Variants in LARGE2 observed in about 807,000 individuals in gnomAD.
The protein encoded by LARGE2 is xylosyl- and glucuronyltransferase LARGE2.
Under a neutral mutation model 75.3 loss-of-function variants are expected in LARGE2, and 63 were observed. The ratio of observed to expected loss-of-function variants is 0.84; its 90% CI spans 0.68 to 1.03. LARGE2 has a LOEUF of 1.03. Ranked by LOEUF, LARGE2 falls within the 50% of genes least tolerant of loss-of-function variation. The pLI, the probability that LARGE2 is intolerant of heterozygous loss-of-function variation, is 0.00. For missense variants in LARGE2, 925 were observed against 980.6 expected, an observed-to-expected ratio of 0.94 and a Z score of 0.76; for synonymous variants, 428 against 420.1, an observed-to-expected ratio of 1.02 and a Z score of -0.23.
intron 12 of LARGE2, 48 bp downstream of exon 12, chr11:45,928,117 G>A (rs752635497): frequency 5.0e-6 from 8 of 1,612,656 alleles, no homozygotes; most frequent in Non-Finnish European, 5.9e-6. Flanking sequence ...GCCCACACTG[G>A]CCCCCACTAC....
rs1321960834 is a variant in LARGE2, at chr11:45,928,821, G to T, written c.2142G>T (p.Gln714His). 7.4e-6 allele frequency: 12 copies of T among 1,613,328 alleles called. No homozygotes were observed. The highest frequency in any genetic ancestry group is 1.0e-5 in the Non-Finnish European group (12 of 1,179,924). ...TCAAATACCTCCCAGCCCTGCAGCA[G>T]CCCCAGAGCCCTGCCCGAGGCTGAG... ...AALKYLPALQ[Q>H]PQSPARG Residue 714 changes from glutamine (Q) to histidine (H), a missense_variant, in exon 14 of 14, where the codon CAG becomes CAT. Physicochemically the swap from Gln to His is conservative, Grantham distance 24. This residue lies in a region of LARGE2 where 469 missense variants were observed against 503.8 expected (regional missense o/e 0.93). Coordinates refer to ENST00000401752, the MANE Select transcript of LARGE2 (RefSeq NM_001300721.2).
At chr11:45,923,281 G>C in intron 2 of LARGE2, 114 bp downstream of exon 2, 33 of 1,233,146 alleles carry the variant, frequency 2.7e-5, no homozygotes, top group Non-Finnish European at 3.6e-5. Flanking sequence ...CTGGCCAGCC[G>C]GCTGGGGCGC....
At position 45,923,573 on chromosome 11, in the gene LARGE2, T is replaced by C. The variant is rs775724107; in HGVS notation, c.368+18T>C. 1.2e-6 allele frequency: 2 copies of C among 1,610,708 alleles called. No individual in the cohort carries two copies. Among genetic ancestry groups the C allele is most frequent in the East Asian group, 2.2e-5 (1 of 44,844 alleles). ...TTCTACAGGTACAGCCAGGTGTCCG[T>C]GGAGGAGGGTCAGGAGTGGGGAAGG... On this transcript the variant is annotated intron_variant, in intron 3 of 13. Coordinates refer to ENST00000401752, the MANE Select transcript of LARGE2 (RefSeq NM_001300721.2).
At chr11:45,928,461 C>G in intron 13 of LARGE2, 89 bp downstream of exon 13, 1 of 1,533,078 alleles carries the variant, frequency 6.5e-7, no homozygotes, top group South Asian at 1.2e-5. Flanking sequence ...GACCACACCA[C>G]TAGGCAACAC....
chr11:45,924,359 G>A, intron 4 of LARGE2, 82 bp downstream of exon 4: 3 of 1,582,296 alleles, frequency 1.9e-6, no homozygotes, highest in South Asian at 2.3e-5. Flanking sequence ...TTGGAGAAGA[G>A]AATCATCAGT....
chr11:45,923,101 G>T lies in LARGE2; in HGVS notation c.219G>T (p.Gly73=), dbSNP rs1324002799. 1 of 1,399,140 alleles carries T rather than the reference G, an allele frequency of 7.1e-7. No individual in the cohort carries two copies. Among genetic ancestry groups the T allele is most frequent in the South Asian group, 1.5e-5 (1 of 64,594 alleles). The allele number at this position is 1,399,140 out of a possible 1,614,324, so 86.7% of individuals were successfully genotyped here. The stretch of plus-strand genomic sequence containing the variant: ...CCGCCGCCCTCGACGGAGACCCGGG[G>T]GCCGGCCCCGGGGACCACAACCGCT... The part of the protein sequence containing the change: ...RRAAALDGDP[G]AGPGDHNRSD... The change falls in exon 2 of 14, where the codon GGG becomes GGT. Residue 73 remains glycine (G), a synonymous_variant. Coordinates refer to ENST00000401752, the MANE Select transcript of LARGE2 (RefSeq NM_001300721.2).
Position 45,927,902 on chromosome 11 carries a change from A to C in LARGE2, c.1605-18A>C. The C allele has an allele frequency of 1.2e-6, 2 of 1,611,946 alleles. No homozygotes were observed. The highest frequency in any genetic ancestry group is 3.3e-5 in the Admixed American group (2 of 59,934). On this transcript the variant is annotated intron_variant, in intron 11 of 13. Transcript: ENST00000401752. ...GATGCCCCGCTCTTCTCCCCTGCTCATGGGTGCTCCTCCTCAGGGCCTCCA... is the reference window on the plus strand; with the variant it reads ...GATGCCCCGCTCTTCTCCCCTGCTCCTGGGTGCTCCTCCTCAGGGCCTCCA...
chr11:45,927,832 A>G (rs763196775), intron 11 of LARGE2, 88 bp from the exon 12 acceptor site: 2 of 1,585,166 alleles, frequency 1.3e-6, no homozygotes, highest in South Asian at 2.2e-5. Context: ...ATGGTGGTCT[A>G]GTCCTGTGGC....
chr11:45,926,761 C>G lies in LARGE2; in HGVS notation c.1215C>G (p.Phe405Leu), dbSNP rs767674272. ...ACGAGGAAGACCCCTGCTTTGAGTT[C>G]CGGCAGCAGCAGCTCACTGTGCACC... ...QLDEEDPCFE[F>L]RQQQLTVHRV... Residue 405 changes from phenylalanine (F) to leucine (L), a missense_variant, in exon 10 of 14, where the codon TTC becomes TTG. Physicochemically the swap from Phe to Leu is conservative, Grantham distance 22. This residue lies in a region of LARGE2 where 469 missense variants were observed against 503.8 expected (regional missense o/e 0.93). Coordinates refer to ENST00000401752, the MANE Select transcript of LARGE2 (RefSeq NM_001300721.2). 6.8e-6 allele frequency: 11 copies of G among 1,613,548 alleles called. No homozygotes were observed. Among genetic ancestry groups the G allele is most frequent in the African/African-American group, 1.3e-5 (1 of 74,918 alleles).
Position 45,928,440 on chromosome 11 carries a change from C to A in LARGE2, c.1950+68C>A, listed in dbSNP as rs2087353822. 4 of 1,562,692 alleles carry A rather than the reference C, an allele frequency of 2.6e-6. No individual in the cohort carries two copies. In the East Asian group the frequency reaches 6.7e-5, roughly 26 times the overall value. ...CTCCAGGTCCAGGGAACTCACGACACCTGCATGGGGGACCACACCACTAGG... is the reference window on the plus strand; with the variant it reads ...CTCCAGGTCCAGGGAACTCACGACAACTGCATGGGGGACCACACCACTAGG... On this transcript the variant is annotated intron_variant, in intron 13 of 13. Transcript: ENST00000401752.
In LARGE2 at chr11:45,928,226, CG is replaced by C; in HGVS notation, c.1807del (p.Glu603ArgfsTer146). ...CGCACCCACAGACTATGCCCGCTGG[CG>C]GGAGGCTCAGGCCCCGTACCGTGTG... ...GHAPTDYARW[R>X]EAQAPYRVQW... On this transcript the variant is annotated frameshift_variant, in exon 13 of 14. Coordinates refer to ENST00000401752, the MANE Select transcript of LARGE2 (RefSeq NM_001300721.2). LOFTEE classifies it high-confidence loss of function. 1 of 1,613,902 alleles carries C rather than the reference CG, an allele frequency of 6.2e-7. No homozygotes were observed. Among genetic ancestry groups the C allele is most frequent in the Non-Finnish European group, 8.5e-7 (1 of 1,180,042 alleles).
At position 45,923,457 on chromosome 11, in the gene LARGE2, G is replaced by A; in HGVS notation, c.286-16G>A. 1.2e-6 allele frequency: 2 copies of A among 1,612,044 alleles called. No individual in the cohort carries two copies. Among genetic ancestry groups the A allele is most frequent in the Non-Finnish European group, 1.7e-6 (2 of 1,179,352 alleles). On this transcript the variant is annotated splice_polypyrimidine_tract_variant and intron_variant, in intron 2 of 13. Coordinates refer to ENST00000401752, the MANE Select transcript of LARGE2 (RefSeq NM_001300721.2). ...GGAGAAGGGGGGCTGCTGCCGACCT[G>A]GGCGTCCCTCCCCAGCTCTTGCATG...
In LARGE2 at chr11:45,922,673, C is replaced by G. The variant is rs1444087888; in HGVS notation, c.-118C>G. 5.6e-6 allele frequency: 2 copies of G among 360,190 alleles called. No homozygotes were observed. The highest frequency in any genetic ancestry group is 2.1e-5 in the African/African-American group (1 of 47,108). The allele number at this position is 360,190 out of a possible 1,614,324, so 22.3% of individuals were successfully genotyped here. The stretch of plus-strand genomic sequence containing the variant: ...CGGCCCGCGCCTCTCCCCTGGTTCC[C>G]GCACCCTGGCCGGCGGCTGCGAGCG... On this transcript the variant is annotated 5_prime_UTR_variant, in exon 1 of 14. Coordinates refer to ENST00000401752, the MANE Select transcript of LARGE2 (RefSeq NM_001300721.2).
Position 45,922,722 on chromosome 11 carries a change from G to A in LARGE2, c.-69G>A. 1 of 489,082 alleles carries A rather than the reference G, an allele frequency of 2.0e-6. No homozygotes were observed. The highest frequency in any genetic ancestry group is 3.2e-6 in the Non-Finnish European group (1 of 316,758). 30.3% of individuals were successfully genotyped at this position (489,082 alleles called of 1,614,324 possible). On this transcript the variant is annotated 5_prime_UTR_variant, in exon 1 of 14. Coordinates refer to ENST00000401752, the MANE Select transcript of LARGE2 (RefSeq NM_001300721.2). The stretch of plus-strand genomic sequence containing the variant: ...CGCAGGGCCCAGCCCGGGAGCCGCT[G>A]GAGCAGGTGAGGGAGGTGGCTCGGC...
In LARGE2 at chr11:45,926,183, C is replaced by T. The variant is rs1250494776; in HGVS notation, c.882+32C>T. 3 of 1,609,944 alleles carry T rather than the reference C, an allele frequency of 1.9e-6. No individual in the cohort carries two copies. In the African/African-American group the frequency reaches 4.0e-5, roughly 22 times the overall value. On this transcript the variant is annotated intron_variant, in intron 7 of 13. Transcript: ENST00000401752. ...GGAAGCCTTGCCGGGTGGGGTGTGG[C>T]AGGCTGGGGGCTGGGATGTGATGGG...
chr11:45,927,233 AGCT>A, intron 10 of LARGE2, 79 bp from the exon 11 acceptor site: 2 of 1,471,534 alleles, frequency 1.4e-6, no homozygotes, highest in Non-Finnish European at 1.8e-6. Flanking sequence ...TGGCAGCAGC[AGCT>A]AACTGGGGAG....
chr11:45,926,050 C>A lies in LARGE2; in HGVS notation c.781C>A (p.Leu261Met). The change falls in exon 7 of 14, where the codon CTG becomes ATG. Residue 261 changes from leucine (L) to methionine (M), a missense_variant. Leu to Met is a conservative substitution (Grantham distance 15). This residue lies in a region of LARGE2 where 453 missense variants were observed against 460.2 expected (regional missense o/e 0.98). Coordinates refer to ENST00000401752, the MANE Select transcript of LARGE2 (RefSeq NM_001300721.2). Reference sequence around the variant, plus strand: ...CTCTTCATTGGCAGGTGTGATCCTGCTGCGGCTGGACCGGCTCCGGCAGGC... The same window carrying A: ...CTCTTCATTGGCAGGTGTGATCCTGATGCGGCTGGACCGGCTCCGGCAGGC... ...GRGFNTGVIL[L>M]RLDRLRQAGW... The A allele has an allele frequency of 6.4e-7, 1 of 1,556,990 alleles. No homozygotes were observed. The highest frequency in any genetic ancestry group is 1.2e-5 in the South Asian group (1 of 84,656).
chr11:45,922,749 C>G, intron 1 of LARGE2, 21 bp downstream of exon 1: 1 of 698,812 alleles, frequency 1.4e-6, no homozygotes, highest in Non-Finnish European at 2.0e-6. Context: ...TGGCTCGGCG[C>G]GAGCCGCACA....
chr11:45,928,811 C>A lies in LARGE2; in HGVS notation c.2132C>A (p.Ala711Asp), dbSNP rs768033784. Residue 711 changes from alanine to aspartate, a missense_variant, in exon 14 of 14, where the codon GCC becomes GAC. Transcript: ENST00000401752. ...HGAAALKYLP[A>D]LQQPQSPARG ...GCTGCTGCCCTCAAATACCTCCCAG[C>A]CCTGCAGCAGCCCCAGAGCCCTGCC... 2 of 1,613,518 alleles carry A rather than the reference C, an allele frequency of 1.2e-6. No homozygotes were observed. Among genetic ancestry groups the A allele is most frequent in the South Asian group, 1.1e-5 (1 of 91,088 alleles).
Sources: allele counts gnomAD v4.1 joint callset, GRCh38; gene constraint gnomAD v4.1.1; regional missense constraint gnomAD v4.1.1; transcripts MANE v1.5; gene names NCBI Gene and HGNC (gene_info 2026-07-23, HGNC 2026-07-21).